PRELID2: variants seen among roughly 807,000 people sequenced by gnomAD.
PRELID2 encodes the protein PRELI domain containing 2, also known as PRELI domain-containing protein 2.
Under a neutral mutation model 28.4 loss-of-function variants are expected in PRELID2, and 25 were observed. The ratio of observed to expected loss-of-function variants is 0.88; its 90% CI spans 0.64 to 1.23. The LOEUF (loss-of-function observed/expected upper bound fraction) is 1.23, where lower values mean the gene tolerates loss of function less well. PRELID2 is among the 50% of genes most tolerant of loss of function. PRELID2 has a pLI of 0.00. For missense variants in PRELID2, 201 were observed against 214.4 expected (o/e 0.94, Z 0.39); for synonymous variants, 76 against 71.6 (o/e 1.06, Z -0.31).
chr5:145,247,345 G>A, the PRELID2 span, among the ~76,000 whole-genome samples: 8 of 150,074 alleles, frequency 5.3e-5, no homozygotes, highest in African/African-American at 2.0e-4. Context: ...AGTCAACTCT[G>A]TGAATTACTC....
chr5:145,279,181 T>G, the PRELID2 span, among the ~76,000 whole-genome samples: 1 of 152,200 alleles, frequency 6.6e-6, no homozygotes, highest in Admixed American at 6.6e-5. Flanking sequence ...TTACTTTCAA[T>G]TGGCATTGCT....
chr5:145,820,041 C>CA lies in PRELID2; in HGVS notation c.134-24dup, dbSNP rs527540148. On this transcript the variant is annotated intron_variant, in intron 2 of 6. Coordinates refer to ENST00000683046, the MANE Select transcript of PRELID2 (RefSeq NM_205846.3). ...CATCTAAAAAAGAAATTTTTTTACA[C>CA]AAAAAAAAATTAAAGAAATGTGTTC... The CA allele has an allele frequency of 1.4e-3, 1,940 of 1,338,048 alleles. 6 individuals are homozygous for CA. The highest frequency in any genetic ancestry group is 0.013 in the African/African-American group (840 of 66,772). The allele number at this position is 1,338,048 out of a possible 1,614,324, so 82.9% of individuals were successfully genotyped here.
At chr5:145,296,459 G>T in the PRELID2 span, among the ~76,000 whole-genome samples, 1 of 150,104 alleles carries the variant, frequency 6.7e-6, no homozygotes, top group Non-Finnish European at 1.5e-5. Flanking sequence ...TTTTGTTCTT[G>T]TGATAGTTTA....
the PRELID2 span, among the ~76,000 whole-genome samples, chr5:145,383,198 A>G: frequency 1.3e-5 from 2 of 151,724 alleles, no homozygotes; most frequent in African/African-American, 4.8e-5. Context: ...ACATCCATAT[A>G]CATGTGTGTA....
chr5:145,416,640 G>A, the PRELID2 span, among the ~76,000 whole-genome samples: 6 of 152,070 alleles, frequency 3.9e-5, no homozygotes, highest in Admixed American at 1.3e-4. Flanking sequence ...CTGGGACACA[G>A]CTAAAGCAGC....
intron 1 of PRELID2, among the ~76,000 whole-genome samples, chr5:145,625,552 C>T (rs7718521): frequency 0.017 from 2,607 of 151,980 alleles, 87 homozygotes; most frequent in African/African-American, 0.058. Flanking sequence ...TTTTAAATTC[C>T]AATAAAAATC....
chr5:145,392,863 A>G, the PRELID2 span, among the ~76,000 whole-genome samples: 3 of 152,190 alleles, frequency 2.0e-5, no homozygotes, highest in Non-Finnish European at 4.4e-5. Context: ...CTGCATTCTA[A>G]TGCAGCCAAT....
the PRELID2 span, among the ~76,000 whole-genome samples, chr5:145,329,222 T>C: frequency 6.6e-6 from 1 of 152,196 alleles, no homozygotes; most frequent in Non-Finnish European, 1.5e-5. Flanking sequence ...TGCCTCCAGC[T>C]TTGTTCTTTC....
rs546606329 is a variant in PRELID2 at position 145,778,053 on chromosome 5, G to A, written c.475-13053C>T. On this transcript the variant is annotated intron_variant, in intron 5 of 6. Transcript: ENST00000683046. ...CTGAAGGCTGGGGGCGGGGCTGCCA[G>A]TCCCACCAGAGTGGGAATTTGTGTG... Among the ~76,000 whole-genome samples the A allele has an allele frequency of 2.6e-5, 4 of 152,288 alleles. No individual in the cohort carries two copies. In the East Asian group the frequency reaches 7.8e-4, roughly 30 times the overall value.
the PRELID2 span, among the ~76,000 whole-genome samples, chr5:145,442,897 G>A: frequency 1.2e-4 from 18 of 152,130 alleles, no homozygotes; most frequent in Admixed American, 2.6e-4. Context: ...GGTTAGACCA[G>A]AAATTCTCAG....
In PRELID2 at chr5:145,634,633, A is replaced by C. The variant is rs73313738; in HGVS notation, n.70+130298T>G. On this transcript the variant is annotated intron_variant and non_coding_transcript_variant, in intron 1 of 2. Coordinates refer to the PRELID2 transcript ENST00000510259. The stretch of plus-strand genomic sequence containing the variant: ...ACCCCAGTGATGGGCTAGGACATCT[A>C]ACAAGATGCTTCCCTCCCTCCCTGG... Among the ~76,000 whole-genome samples, 314 of 152,272 alleles carry C rather than the reference A, an allele frequency of 2.1e-3. 3 individuals are homozygous for C. In the Middle Eastern group the frequency reaches 0.024, roughly 12 times the overall value.
chr5:145,411,337 C>T, the PRELID2 span, among the ~76,000 whole-genome samples: 1 of 152,132 alleles, frequency 6.6e-6, no homozygotes, highest in Non-Finnish European at 1.5e-5. Context: ...GACATGCCCC[C>T]ATGATTCAAT....
At chr5:145,367,722 A>G in the PRELID2 span, among the ~76,000 whole-genome samples, 1 of 151,796 alleles carries the variant, frequency 6.6e-6, no homozygotes, top group Non-Finnish European at 1.5e-5. Flanking sequence ...AGCCTTTTTG[A>G]ATTGACTTCT....
At chr5:145,655,353 C>G (rs1250286093) in intron 1 of PRELID2, among the ~76,000 whole-genome samples, 1 of 152,080 alleles carries the variant, frequency 6.6e-6, no homozygotes, top group Admixed American at 6.5e-5. Flanking sequence ...CAATGCCATC[C>G]CCATCAAGCT....
At chr5:145,256,810 T>A in the PRELID2 span, among the ~76,000 whole-genome samples, 11,776 of 151,976 alleles carry the variant, frequency 0.077, 1,096 homozygotes, top group African/African-American at 0.21. Flanking sequence ...GAAAAGTAGT[T>A]GAGGCTAAAA....
chr5:145,738,339 A>T (rs1756555414), intron 1 of PRELID2, among the ~76,000 whole-genome samples: 1 of 152,238 alleles, frequency 6.6e-6, no homozygotes, highest in African/African-American at 2.4e-5. Context: ...GAAAGAAAAA[A>T]GGCAAGCAAT....
chr5:145,309,930 G>A, the PRELID2 span, among the ~76,000 whole-genome samples: 319 of 152,290 alleles, frequency 2.1e-3, 10 homozygotes, highest in East Asian at 0.053. Flanking sequence ...AACTGGAGTA[G>A]TCTGTTTTTG....
the PRELID2 span, among the ~76,000 whole-genome samples, chr5:145,303,824 G>A: frequency 2.0e-5 from 3 of 152,084 alleles, no homozygotes; most frequent in Admixed American, 6.5e-5. Flanking sequence ...AAAACCCCAA[G>A]GATATATTCA....
the PRELID2 span, among the ~76,000 whole-genome samples, chr5:145,353,954 G>A: frequency 6.6e-6 from 1 of 152,140 alleles, no homozygotes; most frequent in Non-Finnish European, 1.5e-5. Flanking sequence ...AGTGGTTATG[G>A]TGAAATTTAA....
Sources: gnomAD v4.1 joint callset for allele counts (sites outside exome capture counted in the v4.1 genomes callset) on GRCh38, gnomAD v4.1.1 for gene constraint, MANE v1.5 for transcripts, NCBI Gene and HGNC (gene_info 2026-07-23, HGNC 2026-07-21) for gene names.